LRRC7: variants seen among roughly 807,000 people sequenced by gnomAD.
LRRC7 encodes leucine rich repeat containing 7.
Under a neutral mutation model 175.7 loss-of-function variants are expected in LRRC7, and 23 were observed. The ratio of observed to expected loss-of-function variants is 0.13; its 90% CI spans 0.09 to 0.19. The LOEUF (loss-of-function observed/expected upper bound fraction) is 0.19, where lower values mean the gene tolerates loss of function less well. Among genes scored for constraint, LRRC7 ranks in the 10% least tolerant of loss-of-function variants. The probability of loss-of-function intolerance (pLI) is 1.00; values close to 1 mark genes in which losing one functional copy is unlikely to be tolerated. For synonymous variants in LRRC7, 685 were observed against 680.9 expected (o/e 1.01, Z -0.09); for missense variants, 1,354 against 1,904.7 (o/e 0.71, Z 5.38).
chr1:69,915,388 A>C (rs1239423245), intron 7 of LRRC7, among the ~76,000 whole-genome samples: 1 of 152,312 alleles, frequency 6.6e-6, no homozygotes, highest in East Asian at 1.9e-4. Flanking sequence ...AAGTATGTCT[A>C]TGATTTCACA....
chr1:70,053,329 A>T (rs375572377), intron 23 of LRRC7, among the ~76,000 whole-genome samples, 184 bp downstream of exon 23: 2 of 152,168 alleles, frequency 1.3e-5, no homozygotes, highest in African/African-American at 4.8e-5. Context: ...AAACACTGCC[A>T]ACTGTTCAAA....
chr1:69,943,515 G>T (rs1570750487), intron 8 of LRRC7, among the ~76,000 whole-genome samples: 1 of 152,020 alleles, frequency 6.6e-6, no homozygotes, highest in Non-Finnish European at 1.5e-5. Context: ...TTAGATAGTG[G>T]TGATGGTTGA....
chr1:69,939,936 C>G (rs987548360), intron 8 of LRRC7, among the ~76,000 whole-genome samples: 7 of 152,108 alleles, frequency 4.6e-5, no homozygotes, highest in African/African-American at 1.7e-4. Context: ...TTTGAAGCAT[C>G]AATCCCAATT....
intron 2 of LRRC7, among the ~76,000 whole-genome samples, chr1:69,759,278 A>G (rs993200909): frequency 1.3e-5 from 2 of 151,814 alleles, no homozygotes; most frequent in African/African-American, 4.9e-5. Flanking sequence ...TGTTAAATAC[A>G]TACTATATAT....
intron 25 of LRRC7, among the ~76,000 whole-genome samples, chr1:70,104,990 A>G (rs1665044551): frequency 6.6e-6 from 1 of 152,214 alleles, no homozygotes; most frequent in South Asian, 2.1e-4. Context: ...ACTTCCAGCA[A>G]TCAGAGATGT....
intron 3 of LRRC7, among the ~76,000 whole-genome samples, chr1:69,761,118 C>A (rs916895269): frequency 6.6e-6 from 1 of 151,984 alleles, no homozygotes; most frequent in African/African-American, 2.4e-5. Flanking sequence ...CAAGACCACA[C>A]AGCAGAGAAG....
chr1:70,075,949 C>G (rs1662738751), intron 23 of LRRC7, 128 bp from the exon 24 acceptor site: 1 of 880,036 alleles, frequency 1.1e-6, no homozygotes, highest in African/African-American at 1.7e-5. Flanking sequence ...CTTCATTATC[C>G]TTTCTGGCCA....
At chr1:70,072,056 T>C (rs569285978) in intron 23 of LRRC7, among the ~76,000 whole-genome samples, 6 of 152,312 alleles carry the variant, frequency 3.9e-5, no homozygotes, top group South Asian at 4.1e-4. Flanking sequence ...TCTTGAGTCT[T>C]ATAGATATTA....
Position 69,683,300 on chromosome 1 carries a change from T to G in LRRC7, c.100+4822T>G, listed in dbSNP as rs542544329. On this transcript the variant is annotated intron_variant, in intron 2 of 26. Transcript: ENST00000651989. The stretch of plus-strand genomic sequence containing the variant: ...TTTGAATCTGTTCAGAAATCACCTT[T>G]GCAAATATTCTGTGTAAGATTCTAC... 4.9e-4 allele frequency among the ~76,000 whole-genome samples: 74 copies of G among 152,288 alleles called. No homozygotes were observed. The Middle Eastern group carries it at 0.034, about 70-fold the overall frequency.
Position 70,023,720 on chromosome 1 carries a change from T to TC in LRRC7, c.1794+348dup, listed in dbSNP as rs573316461. 4.3e-4 allele frequency among the ~76,000 whole-genome samples: 66 copies of TC among 152,196 alleles called. 1 individual carries two copies. Among genetic ancestry groups the TC allele is most frequent in the African/African-American group, 1.5e-3 (61 of 41,536 alleles). ...CACTATTGATACATTCTAAATTGTC[T>TC]CCTCCACATATATGCACATTTTTTA... On this transcript the variant is annotated intron_variant, in intron 17 of 26. Transcript: ENST00000651989.
intron 7 of LRRC7, among the ~76,000 whole-genome samples, chr1:69,843,445 G>A (rs1273251509): frequency 6.6e-6 from 1 of 151,914 alleles, no homozygotes; most frequent in Non-Finnish European, 1.5e-5. Context: ...AAATTATTAA[G>A]GAATTATTTA....
chr1:69,619,705 A>G (rs537015416), intron 1 of LRRC7, among the ~76,000 whole-genome samples: 9 of 152,330 alleles, frequency 5.9e-5, no homozygotes, highest in South Asian at 4.1e-4. Flanking sequence ...TGAAAATTGG[A>G]ATTTTGGAAA....
Position 70,131,585 on chromosome 1 carries a change from C to T in LRRC7, c.*9698C>T, listed in dbSNP as rs1421365119. 6.6e-6 allele frequency among the ~76,000 whole-genome samples: 1 copy of T among 152,050 alleles called. No homozygotes were observed. Among genetic ancestry groups the T allele is most frequent in the Non-Finnish European group, 1.5e-5 (1 of 67,996 alleles). On this transcript the variant is annotated 3_prime_UTR_variant, in exon 27 of 27. Coordinates refer to ENST00000651989, the MANE Select transcript of LRRC7 (RefSeq NM_001370785.2). ...TTATTCTACCTCTGCTTTTTAATTT[C>T]TTTGTATAAAGAGAACTTGATAACT...
intron 11 of LRRC7, among the ~76,000 whole-genome samples, 192 bp downstream of exon 11, chr1:69,994,825 A>G (rs1198143260): frequency 1.3e-5 from 2 of 152,152 alleles, no homozygotes; most frequent in South Asian, 2.1e-4. Context: ...ATTGCATTTG[A>G]TATCCAACTT....
At chr1:69,810,123 C>A (rs1677651197) in intron 4 of LRRC7, among the ~76,000 whole-genome samples, 1 of 152,052 alleles carries the variant, frequency 6.6e-6, no homozygotes, top group South Asian at 2.1e-4. Context: ...TCCTATACAC[C>A]AATAACAGAG....
At chr1:70,089,555 A>G (rs1663869333) in intron 24 of LRRC7, among the ~76,000 whole-genome samples, 172 bp from the exon 25 acceptor site, 2 of 152,218 alleles carry the variant, frequency 1.3e-5, no homozygotes, top group Non-Finnish European at 2.9e-5. Flanking sequence ...TGATGCATAT[A>G]GAAACATTAA....
chr1:69,658,881 A>G (rs1211234642), intron 1 of LRRC7, among the ~76,000 whole-genome samples: 15 of 152,034 alleles, frequency 9.9e-5, no homozygotes, highest in Admixed American at 6.6e-4. Flanking sequence ...TAAGAAAGGT[A>G]TAATTAAATA....
chr1:69,961,964 CA>C (rs930271727), intron 8 of LRRC7, among the ~76,000 whole-genome samples: 2 of 151,056 alleles, frequency 1.3e-5, no homozygotes, highest in East Asian at 3.9e-4. Flanking sequence ...CAACCAGTTG[CA>C]AAAAAAAGCA....
At chr1:69,991,998 C>A (rs1318173751) in intron 10 of LRRC7, among the ~76,000 whole-genome samples, 1 of 152,074 alleles carries the variant, frequency 6.6e-6, no homozygotes, top group African/African-American at 2.4e-5. Context: ...TTATCTTACT[C>A]ACTTAAAGGT....
Sources: gnomAD v4.1 joint callset for allele counts (sites outside exome capture counted in the v4.1 genomes callset) on GRCh38, gnomAD v4.1.1 for gene constraint, MANE v1.5 for transcripts, NCBI Gene and HGNC (gene_info 2026-07-23, HGNC 2026-07-21) for gene names.